Variants in VPS51 observed in about 807,000 individuals in gnomAD.
VPS51 encodes VPS51 subunit of GARP complex.
VPS51 carries 55 observed loss-of-function variants against 65.1 expected under a neutral mutation model. That is an observed-to-expected ratio of 0.84 (90% CI 0.68 to 1.06). The LOEUF (loss-of-function observed/expected upper bound fraction) is 1.06. VPS51 is among the 50% of genes least tolerant of loss of function. VPS51 has a pLI of 0.00. For missense variants in VPS51, 943 were observed against 1,101.6 expected (o/e 0.86, Z 2.04); for synonymous variants, 473 against 489.5 (o/e 0.97, Z 0.44).
At chr11:65,100,661 G>A (rs1055880718) in intron 2 of VPS51, among the ~76,000 whole-genome samples, 1 of 151,196 alleles carries the variant, frequency 6.6e-6, no homozygotes, top group Non-Finnish European at 1.5e-5. Flanking sequence ...CTCCTGAGTA[G>A]CTGGGATTAT....
intron 5 of VPS51, 181 bp downstream of exon 5, chr11:65,109,095 G>T: frequency 3.0e-6 from 3 of 1,013,588 alleles, no homozygotes; most frequent in Non-Finnish European, 4.3e-6. Flanking sequence ...AGCAGGGCAT[G>T]GTGGGGTCCC....
In VPS51 at chr11:65,108,840, AT is replaced by A; in HGVS notation, c.1371del (p.Lys458ArgfsTer101). On this transcript the variant is annotated frameshift_variant, in exon 5 of 10. Transcript: ENST00000279281. LOFTEE classifies it high-confidence loss of function. ...TGTGGCCAGCTCCATCCTGAGCCACATTAAGGCCTCTCTGGCAGCAGTGCAC... is the reference window on the plus strand; with the variant it reads ...TGTGGCCAGCTCCATCCTGAGCCACATAAGGCCTCTCTGGCAGCAGTGCAC... The part of the protein sequence containing the change: ...ANVASSILSH[I>X]KASLAAVHLF... The A allele has an allele frequency of 6.2e-7, 1 of 1,612,984 alleles. No individual in the cohort carries two copies. Among genetic ancestry groups the A allele is most frequent in the Non-Finnish European group, 8.5e-7 (1 of 1,180,012 alleles).
intron 2 of VPS51, among the ~76,000 whole-genome samples, chr11:65,102,959 TAGAG>T (rs1166717935): frequency 3.9e-5 from 6 of 151,924 alleles, no homozygotes; most frequent in Non-Finnish European, 8.8e-5. Context: ...CTGGGCAACA[TAGAG>T]AGACCCCATC....
chr11:65,108,008 G>A lies in VPS51; in HGVS notation c.711G>A (p.Leu237=). 4 of 1,533,174 alleles carry A rather than the reference G, an allele frequency of 2.6e-6. No individual in the cohort carries two copies. The highest frequency in any genetic ancestry group is 3.5e-6 in the Non-Finnish European group (4 of 1,141,258). 95.0% of individuals were successfully genotyped at this position (1,533,174 alleles called of 1,614,324 possible). Residue 237 remains leucine, a synonymous_variant, in exon 4 of 10, where the codon CTG becomes CTA. Transcript: ENST00000279281. ...TCACGGCCCGCCTGGCCCAGCAGCT[G>A]CGGCAGCGCTTTAGGTGTGGCCCCT... ...QVITARLAQQ[L]RQRFREGGSG... is the part of the protein sequence containing the mutation.
At chr11:65,106,781 A>C (rs1947844865) in intron 2 of VPS51, among the ~76,000 whole-genome samples, 1 of 149,022 alleles carries the variant, frequency 6.7e-6, no homozygotes, top group Non-Finnish European at 1.5e-5. Context: ...GGTGGAATTG[A>C]ATTGAGGCCG....
Position 65,108,472 on chromosome 11 carries a change from C to T in VPS51, c.1001C>T (p.Ala334Val), listed in dbSNP as rs774439345. 8 of 1,609,118 alleles carry T rather than the reference C, an allele frequency of 5.0e-6. No homozygotes were observed. The South Asian group carries it at 7.7e-5, about 15-fold the overall frequency. The change falls in exon 5 of 10, where the codon GCC (alanine) becomes GTC (valine). Residue 334 changes from alanine to valine, a missense_variant. This residue lies in a region of VPS51 where 855 missense variants were observed against 953.7 expected (regional missense o/e 0.90). Coordinates refer to ENST00000279281, the MANE Select transcript of VPS51 (RefSeq NM_013265.4). ...ELFAAQGPAG[A>V]EKLAAFARQL... ...TTTGCGGCCCAGGGCCCAGCAGGTG[C>T]CGAGAAGCTGGCGGCCTTCGCCCGG...
chr11:65,109,420 C>G lies in VPS51; in HGVS notation c.1584C>G (p.Ser528=). The G allele has an allele frequency of 6.2e-7, 1 of 1,610,898 alleles. No homozygotes were observed. Among genetic ancestry groups the G allele is most frequent in the East Asian group, 2.2e-5 (1 of 44,886 alleles). The change falls in exon 6 of 10, where the codon TCC becomes TCG. Residue 528 remains serine (S), a synonymous_variant. Coordinates refer to ENST00000279281, the MANE Select transcript of VPS51 (RefSeq NM_013265.4). The part of the protein sequence containing the change: ...ATPPALLLLL[S]RLCLDYETAT... ...CACCTGCCCTGCTCCTGCTGCTCTC[C>G]CGCCTCTGCCTGGACTACGAGACGG...
Position 65,107,763 on chromosome 11 carries a change from T to G in VPS51, c.505+36T>G. On this transcript the variant is annotated intron_variant, in intron 3 of 9. Transcript: ENST00000279281. This position sits in a 1 kb window ranked among gnomAD's most constrained non-coding sequence, Gnocchi z 4.0. ...CCGGGCAGGGCCTGCAGTGGGCCTTTCCTGGGGCTCTGGGGCTAACGTCAC... is the reference window on the plus strand; with the variant it reads ...CCGGGCAGGGCCTGCAGTGGGCCTTGCCTGGGGCTCTGGGGCTAACGTCAC... 1 of 1,604,692 alleles carries G rather than the reference T, an allele frequency of 6.2e-7. No homozygotes were observed. The highest frequency in any genetic ancestry group is 1.1e-5 in the South Asian group (1 of 90,808).
chr11:65,109,364 G>T lies in VPS51; in HGVS notation c.1528G>T (p.Asp510Tyr). The stretch of plus-strand genomic sequence containing the variant: ...GTGCCAGACGGCTCAGAGCTTCTGC[G>T]ACAGCCCTGGGGAGAAGGGGGGTGC... The part of the protein sequence containing the change: ...SMCQTAQSFC[D>Y]SPGEKGGATP... The change falls in exon 6 of 10, where the codon GAC (aspartate) becomes TAC (tyrosine). Residue 510 changes from aspartate to tyrosine, a missense_variant. This residue lies in a region of VPS51 where 855 missense variants were observed against 953.7 expected (regional missense o/e 0.90). Transcript: ENST00000279281. 1.2e-6 allele frequency: 2 copies of T among 1,613,260 alleles called. No homozygotes were observed. The highest frequency in any genetic ancestry group is 1.7e-6 in the Non-Finnish European group (2 of 1,180,000).
Position 65,110,475 on chromosome 11 carries a change from C to T in VPS51, c.1879-7C>T, listed in dbSNP as rs73495060. ...GGCCTCCTTGCAGTACCTCTTTTTA[C>T]CACCAGGTGGGGCTCCTGTACGAAG... On this transcript the variant is annotated splice_region_variant and splice_polypyrimidine_tract_variant and intron_variant, in intron 7 of 9. Transcript: ENST00000279281. 3.4e-3 allele frequency: 5,435 copies of T among 1,613,834 alleles called. 163 individuals are homozygous for T. In the African/African-American group the frequency reaches 0.063, roughly 19 times the overall value.
intron 2 of VPS51, among the ~76,000 whole-genome samples, chr11:65,099,832 G>A (rs1205088586): frequency 6.6e-6 from 1 of 152,064 alleles, no homozygotes; most frequent in Non-Finnish European, 1.5e-5. Context: ...GCCAGGTGCG[G>A]TGGCTTATGC....
At chr11:65,110,917 G>C in intron 9 of VPS51, 136 bp downstream of exon 9, 1 of 1,089,098 alleles carries the variant, frequency 9.2e-7, no homozygotes, top group East Asian at 2.4e-5. Flanking sequence ...TCTGTCTCTA[G>C]GGCTGTTTTT....
intron 2 of VPS51, among the ~76,000 whole-genome samples, chr11:65,102,017 C>CTTTT (rs990847395): frequency 1.2e-4 from 15 of 121,876 alleles, no homozygotes; most frequent in East Asian, 2.3e-4. Context: ...TCTTAACAAG[C>CTTTT]TTTTTTTTTT....
chr11:65,097,404 A>G (rs1220868741), intron 2 of VPS51, among the ~76,000 whole-genome samples: 1 of 152,226 alleles, frequency 6.6e-6, no homozygotes, highest in Non-Finnish European at 1.5e-5. Context: ...TCTGTCTCCC[A>G]GGCTGGAGGG....
At position 65,109,865 on chromosome 11, in the gene VPS51, G is replaced by A. The variant is rs753543955; in HGVS notation, c.1820G>A (p.Arg607Gln). 23 of 1,611,564 alleles carry A rather than the reference G, an allele frequency of 1.4e-5. No homozygotes were observed. Among genetic ancestry groups the A allele is most frequent in the African/African-American group, 1.3e-5 (1 of 74,934 alleles). ...GACTGGCTCAGCACTCTGGAGCCCC[G>A]GAATGTGCGGGCCGTCATGAAGCGG... ...TRDWLSTLEP[R>Q]NVRAVMKRVV... is the part of the protein sequence containing the mutation. Residue 607 changes from arginine (R) to glutamine (Q), a missense_variant, in exon 7 of 10, where the codon CGG (arginine) becomes CAG (glutamine). Arg to Gln is a conservative substitution (Grantham distance 43, BLOSUM62 1). Coordinates refer to ENST00000279281, the MANE Select transcript of VPS51 (RefSeq NM_013265.4).
In VPS51 at chr11:65,111,687, A is replaced by G; in HGVS notation, c.*100A>G. The G allele has an allele frequency of 6.9e-7, 1 of 1,442,930 alleles. No individual in the cohort carries two copies. The highest frequency in any genetic ancestry group is 9.1e-7 in the Non-Finnish European group (1 of 1,094,270). The allele number at this position is 1,442,930 out of a possible 1,614,324, so 89.4% of individuals were successfully genotyped here. A position where few individuals can be genotyped will look rare whatever the true frequency, so the allele number is the denominator to read the frequency against. ...CGCAGGCAGGTGTCAGGACCGGCCT[A>G]ATAAACATGTGTGGCCTCCTCCTCT... On this transcript the variant is annotated 3_prime_UTR_variant, in exon 10 of 10. Coordinates refer to ENST00000279281, the MANE Select transcript of VPS51 (RefSeq NM_013265.4).
rs1196204405 is a variant in VPS51, at chr11:65,108,604, G to A, written c.1133G>A (p.Arg378His). ...LVRALDRFHR[R>H]LRAPGALLAA... ...CGGGCGCTGGACCGCTTCCACCGGC[G>A]CTTGCGGGCTCCCGGGGCCCTGCTG... is the stretch of plus-strand genomic sequence containing the variant. The change falls in exon 5 of 10, where the codon CGC (arginine) becomes CAC (histidine). Residue 378 changes from arginine (R) to histidine (H), a missense_variant. Arg to His is a conservative substitution (Grantham distance 29). Transcript: ENST00000279281. The A allele has an allele frequency of 1.3e-6, 2 of 1,532,642 alleles. No individual in the cohort carries two copies. The highest frequency in any genetic ancestry group is 1.7e-6 in the Non-Finnish European group (2 of 1,147,216). The allele number at this position is 1,532,642 out of a possible 1,614,324, so 94.9% of individuals were successfully genotyped here.
At chr11:65,099,718 G>T (rs922467842) in intron 2 of VPS51, among the ~76,000 whole-genome samples, 22 of 152,248 alleles carry the variant, frequency 1.4e-4, no homozygotes, top group Non-Finnish European at 1.2e-4. Flanking sequence ...GATCACATGA[G>T]CCCAGGAGCT....
intron 2 of VPS51, among the ~76,000 whole-genome samples, chr11:65,102,446 C>CGACAAT (rs1947815758): frequency 6.6e-6 from 1 of 152,176 alleles, no homozygotes; most frequent in African/African-American, 2.4e-5. Flanking sequence ...GGGAAGGCAG[C>CGACAAT]GACAATGACA....
Sources: gnomAD v4.1 joint callset for allele counts (sites outside exome capture counted in the v4.1 genomes callset) on GRCh38, gnomAD v4.1.1 for gene constraint, gnomAD v4.1.1 regional missense constraint, Gnocchi (gnomAD v3.1) non-coding constraint, MANE v1.5 for transcripts, NCBI Gene and HGNC (gene_info 2026-07-23, HGNC 2026-07-21) for gene names.